The following RPA4 variants were observed in gnomAD, a reference collection of about 807,000 sequenced individuals.
RPA4 encodes replication protein A4.
For synonymous variants in RPA4, 88 were observed against 84.4 expected (o/e 1.04, Z -0.23); for missense variants, 229 against 215.5 (o/e 1.06, Z -0.39).
rs2065243824 is a variant in RPA4 at position 96,884,481 on chromosome X, T to C, written c.171T>C (p.Ser57=). ...GTAATGTGAACCAGCTTCTCAGCTC[T>C]ACTGTGTTTGACCCTGTGTTCAAGG... ...VPCNVNQLLS[S]TVFDPVFKVR... The change falls in exon 1 of 1, where the codon TCT becomes TCC. Residue 57 remains serine (S), a synonymous_variant. Coordinates refer to ENST00000373040, the MANE Select transcript of RPA4 (RefSeq NM_013347.4). 8.3e-7 allele frequency: 1 copy of C among 1,209,262 alleles called. No individual in the cohort carries two copies. Among genetic ancestry groups the C allele is most frequent in the Admixed American group, 2.2e-5 (1 of 45,556 alleles).
At position 96,885,166 on chromosome X, in the gene RPA4, CT is replaced by C. The variant is rs34989154; in HGVS notation, c.*75del. The C allele has an allele frequency of 1.1e-6, 1 of 951,602 alleles. No homozygotes were observed. The highest frequency in any genetic ancestry group is 1.4e-6 in the Non-Finnish European group (1 of 690,380). 78.4% of individuals were successfully genotyped at this position (951,602 alleles called of 1,213,427 possible). A position where few individuals can be genotyped will look rare whatever the true frequency, so the allele number is the denominator to read the frequency against. On this transcript the variant is annotated 3_prime_UTR_variant, in exon 1 of 1. Coordinates refer to ENST00000373040, the MANE Select transcript of RPA4 (RefSeq NM_013347.4). Reference sequence around the variant, plus strand: ...GCTGTGAGTAATTTTGACCTGTTGACTTTTTAGGAAGTAGGACTAAAAAAAA... The same window carrying C: ...GCTGTGAGTAATTTTGACCTGTTGACTTTTAGGAAGTAGGACTAAAAAAAA...
chrX:96,884,558 C>T lies in RPA4; in HGVS notation c.248C>T (p.Ala83Val), dbSNP rs1264114955. Residue 83 changes from alanine to valine, a missense_variant, in exon 1 of 1, where the codon GCA (alanine) becomes GTA (valine). Physicochemically the swap from Ala to Val is moderately conservative, Grantham distance 64 (BLOSUM62 0). Coordinates refer to ENST00000373040, the MANE Select transcript of RPA4 (RefSeq NM_013347.4). ...QVSIVGVIRG[A>V]EKASNHICYK... ...TCCATCGTGGGGGTAATCAGAGGGGCAGAGAAGGCTTCAAATCACATTTGT... is the reference window on the plus strand; with the variant it reads ...TCCATCGTGGGGGTAATCAGAGGGGTAGAGAAGGCTTCAAATCACATTTGT... The T allele has an allele frequency of 8.3e-7, 1 of 1,208,204 alleles. No homozygotes were observed. Among genetic ancestry groups the T allele is most frequent in the African/African-American group, 1.8e-5 (1 of 56,693 alleles).
rs1283627761 is a variant in RPA4 at position 96,884,293 on chromosome X, G to T, written c.-18G>T. ...CGAGCCAAAGCCCACCTTCTCCTCA[G>T]CCTGAGCTGTCTTGAAGATGAGTAA... On this transcript the variant is annotated 5_prime_UTR_variant, in exon 1 of 1. Transcript: ENST00000373040. 8.3e-7 allele frequency: 1 copy of T among 1,198,321 alleles called. No homozygotes were observed. The highest frequency in any genetic ancestry group is 2.2e-5 in the Admixed American group (1 of 45,132).
At position 96,884,454 on chromosome X, in the gene RPA4, G is replaced by C; in HGVS notation, c.144G>C (p.Pro48=). The change falls in exon 1 of 1, where the codon CCG becomes CCC. Residue 48 remains proline (P), a synonymous_variant. Coordinates refer to ENST00000373040, the MANE Select transcript of RPA4 (RefSeq NM_013347.4). The part of the protein sequence containing the change: ...RPKVRIQDVV[P]CNVNQLLSST... ...AGGTCCGAATTCAGGACGTTGTACC[G>C]TGTAATGTGAACCAGCTTCTCAGCT... 8.3e-7 allele frequency: 1 copy of C among 1,211,333 alleles called. No homozygotes were observed. Among genetic ancestry groups the C allele is most frequent in the Non-Finnish European group, 1.1e-6 (1 of 895,327 alleles).
Position 96,884,065 on chromosome X carries a change from A to G in RPA4, c.-246A>G, listed in dbSNP as rs1440750260. The G allele has an allele frequency of 5.8e-6, 2 of 345,663 alleles. No individual in the cohort carries two copies. The highest frequency in any genetic ancestry group is 2.6e-5 in the African/African-American group (1 of 38,314). The allele number at this position is 345,663 out of a possible 1,213,427, so 28.5% of individuals were successfully genotyped here. The stretch of plus-strand genomic sequence containing the variant: ...AACCACTGACACACAGGGAAGGATT[A>G]TGCGATCAGGTGAGAAGGTGGCCGA... On this transcript the variant is annotated 5_prime_UTR_variant, in exon 1 of 1. It removes an upstream start codon present in the reference 5' UTR. Coordinates refer to ENST00000373040, the MANE Select transcript of RPA4 (RefSeq NM_013347.4).
rs1313576911 is a variant in RPA4 at position 96,885,023 on chromosome X, CGATT to C, written c.718_721del (p.Asp240IlefsTer2). On this transcript the variant is annotated frameshift_variant, in exon 1 of 1. Transcript: ENST00000373040. LOFTEE classifies it low-confidence loss of function (END_TRUNC). Reference sequence around the variant, plus strand: ...CTTAGCGTCAAGGCCATCAAGGAAGCGATTGATTATCTGACCGTTGAGGGCCACA... The same window carrying C: ...CTTAGCGTCAAGGCCATCAAGGAAGCGATTATCTGACCGTTGAGGGCCACA... 4.1e-6 allele frequency: 5 copies of C among 1,208,422 alleles called. No homozygotes were observed. The highest frequency in any genetic ancestry group is 1.8e-5 in the African/African-American group (1 of 56,833).
Position 96,884,131 on chromosome X carries a change from G to T in RPA4, c.-180G>T. On this transcript the variant is annotated 5_prime_UTR_variant, in exon 1 of 1. Transcript: ENST00000373040. ...AGCAGATGCATTCTGGTAGTTGATT[G>T]GTCCACAGGTAGCGTGACGCTTGTC... 2.4e-6 allele frequency: 1 copy of T among 423,636 alleles called. No individual in the cohort carries two copies. Among genetic ancestry groups the T allele is most frequent in the Non-Finnish European group, 4.1e-6 (1 of 245,826 alleles). 34.9% of individuals were successfully genotyped at this position (423,636 alleles called of 1,213,427 possible). A position where few individuals can be genotyped will look rare whatever the true frequency, so the allele number is the denominator to read the frequency against.
chrX:96,884,737 T>C lies in RPA4; in HGVS notation c.427T>C (p.Leu143=), dbSNP rs2065247167. The part of the protein sequence containing the change: ...CPTGTKSLEV[L]KIHVLEDMNE... ...CACGGGAACAAAGAGCCTTGAGGTA[T>C]TGAAAATTCATGTCCTAGAGGACAT... is the stretch of plus-strand genomic sequence containing the variant. Residue 143 remains leucine, a synonymous_variant, in exon 1 of 1, where the codon TTG becomes CTG. Transcript: ENST00000373040. The C allele has an allele frequency of 1.7e-6, 2 of 1,207,846 alleles. No individual in the cohort carries two copies. The highest frequency in any genetic ancestry group is 3.0e-5 in the East Asian group (1 of 33,686).
chrX:96,884,336 A>G lies in RPA4; in HGVS notation c.26A>G (p.Tyr9Cys), dbSNP rs142187288. The part of the protein sequence containing the change: MSKSGFGS[Y>C]GSISAADGAS... ...ATGAGTAAGAGTGGGTTTGGGAGCT[A>G]TGGCAGCATTTCTGCTGCTGATGGA... Residue 9 changes from tyrosine (Y) to cysteine (C), a missense_variant, in exon 1 of 1, where the codon TAT becomes TGT. Transcript: ENST00000373040. The G allele has an allele frequency of 1.4e-4, 174 of 1,208,082 alleles. No homozygotes were observed. Among genetic ancestry groups the G allele is most frequent in the Middle Eastern group, 1.2e-3 (5 of 4,292 alleles).
In RPA4 at chrX:96,884,726, GC is replaced by G; in HGVS notation, c.418del (p.Glu141ArgfsTer3). ...GILKCPTGTK[S>X]LEVLKIHVLE... ...CTCAAATGTCCCACGGGAACAAAGA[GC>G]CTTGAGGTATTGAAAATTCATGTCC... is the stretch of plus-strand genomic sequence containing the variant. On this transcript the variant is annotated frameshift_variant, in exon 1 of 1. Coordinates refer to ENST00000373040, the MANE Select transcript of RPA4 (RefSeq NM_013347.4). LOFTEE classifies it low-confidence loss of function (END_TRUNC). 3 of 1,210,700 alleles carry G rather than the reference GC, an allele frequency of 2.5e-6. No individual in the cohort carries two copies. The South Asian group carries it at 5.3e-5, about 21-fold the overall frequency.
Position 96,884,651 on chromosome X carries a change from A to C in RPA4, c.341A>C (p.Lys114Thr). Residue 114 changes from lysine (K) to threonine (T), a missense_variant, in exon 1 of 1, where the codon AAG becomes ACG. By Grantham distance (78) the Lys-to-Thr change is moderately conservative (BLOSUM62 -1). Transcript: ENST00000373040. ...ARQWFGREKV[K>T]QVTPLSVGVY... ...CAGTGGTTTGGTAGAGAGAAAGTCA[A>C]GCAGGTGACTCCATTGTCAGTCGGA... is the stretch of plus-strand genomic sequence containing the variant. 8.3e-7 allele frequency: 1 copy of C among 1,210,807 alleles called. No homozygotes were observed. The highest frequency in any genetic ancestry group is 1.1e-6 in the Non-Finnish European group (1 of 895,026).
In RPA4 at chrX:96,884,985, T is replaced by A; in HGVS notation, c.675T>A (p.Ala225=). 8.3e-7 allele frequency: 1 copy of A among 1,211,204 alleles called. No homozygotes were observed. Among genetic ancestry groups the A allele is most frequent in the Non-Finnish European group, 1.1e-6 (1 of 895,223 alleles). ...GGAAGAGCATCCATGAGCTCCGGGC[T>A]CAGCTCTGCGACCTTAGCGTCAAGG... ...QEGKSIHELR[A]QLCDLSVKAI... is the part of the protein sequence containing the mutation. Residue 225 remains alanine, a synonymous_variant, in exon 1 of 1, where the codon GCT becomes GCA. Transcript: ENST00000373040.
Position 96,885,184 on chromosome X carries a change from T to TAA in RPA4, c.*98_*99dup. On this transcript the variant is annotated 3_prime_UTR_variant, in exon 1 of 1. Coordinates refer to ENST00000373040, the MANE Select transcript of RPA4 (RefSeq NM_013347.4). Reference sequence around the variant, plus strand: ...CTGTTGACTTTTTAGGAAGTAGGACTAAAAAAAAAAATCTCAAGTGGCATT... The same window carrying TAA: ...CTGTTGACTTTTTAGGAAGTAGGACTAAAAAAAAAAAAATCTCAAGTGGCATT... 10 of 638,770 alleles carry TAA rather than the reference T, an allele frequency of 1.6e-5. No homozygotes were observed. Among genetic ancestry groups the TAA allele is most frequent in the Non-Finnish European group, 2.2e-5 (10 of 446,873 alleles). 52.6% of individuals were successfully genotyped at this position (638,770 alleles called of 1,213,427 possible).
chrX:96,884,297 G>C lies in RPA4; in HGVS notation c.-14G>C, dbSNP rs1369498408. 8.3e-7 allele frequency: 1 copy of C among 1,200,452 alleles called. No homozygotes were observed. On this transcript the variant is annotated 5_prime_UTR_variant, in exon 1 of 1. Transcript: ENST00000373040. The stretch of plus-strand genomic sequence containing the variant: ...CCAAAGCCCACCTTCTCCTCAGCCT[G>C]AGCTGTCTTGAAGATGAGTAAGAGT...
In RPA4 at chrX:96,885,302, A is replaced by G. The variant is rs1453766434; in HGVS notation, c.*206A>G. The G allele has an allele frequency of 5.1e-6, 2 of 390,040 alleles. No homozygotes were observed. The highest frequency in any genetic ancestry group is 4.9e-5 in the Admixed American group (1 of 20,486). 32.1% of individuals were successfully genotyped at this position (390,040 alleles called of 1,213,427 possible). On this transcript the variant is annotated 3_prime_UTR_variant, in exon 1 of 1. Coordinates refer to ENST00000373040, the MANE Select transcript of RPA4 (RefSeq NM_013347.4). Reference sequence around the variant, plus strand: ...AGAGACGGTGATGGATAAATTGACAACTCTGTAGGATTTACTAGCAAGCTA... The same window carrying G: ...AGAGACGGTGATGGATAAATTGACAGCTCTGTAGGATTTACTAGCAAGCTA...
Position 96,884,748 on chromosome X carries a change from T to C in RPA4, c.438T>C (p.His146=). The part of the protein sequence containing the change: ...GTKSLEVLKI[H]VLEDMNEFTV... ...AGAGCCTTGAGGTATTGAAAATTCA[T>C]GTCCTAGAGGACATGAACGAGTTCA... Residue 146 remains histidine (H), a synonymous_variant, in exon 1 of 1, where the codon CAT becomes CAC. Transcript: ENST00000373040. The C allele has an allele frequency of 8.3e-7, 1 of 1,210,331 alleles. No individual in the cohort carries two copies. Among genetic ancestry groups the C allele is most frequent in the South Asian group, 1.8e-5 (1 of 56,887 alleles).
Position 96,884,606 on chromosome X carries a change from C to G in RPA4, c.296C>G (p.Ala99Gly), listed in dbSNP as rs745560952. 10 of 1,209,915 alleles carry G rather than the reference C, an allele frequency of 8.3e-6. No homozygotes were observed. Among genetic ancestry groups the G allele is most frequent in the Non-Finnish European group, 1.0e-5 (9 of 895,113 alleles). The change falls in exon 1 of 1, where the codon GCG (alanine) becomes GGG (glycine). Residue 99 changes from alanine to glycine, a missense_variant. Physicochemically the swap from Ala to Gly is moderately conservative, Grantham distance 60 (BLOSUM62 0). Coordinates refer to ENST00000373040, the MANE Select transcript of RPA4 (RefSeq NM_013347.4). Reference sequence around the variant, plus strand: ...TGTTACAAAATTGATGATATGACCGCGAAACCAATCGAGGCCCGACAGTGG... The same window carrying G: ...TGTTACAAAATTGATGATATGACCGGGAAACCAATCGAGGCCCGACAGTGG... ...HICYKIDDMT[A>G]KPIEARQWFG...
Position 96,884,750 on chromosome X carries a change from T to G in RPA4, c.440T>G (p.Val147Gly), listed in dbSNP as rs2065247228. 1.7e-6 allele frequency: 2 copies of G among 1,207,485 alleles called. No individual in the cohort carries two copies. The highest frequency in any genetic ancestry group is 4.4e-5 in the Admixed American group (2 of 45,505). ...AGCCTTGAGGTATTGAAAATTCATG[T>G]CCTAGAGGACATGAACGAGTTCACC... ...TKSLEVLKIH[V>G]LEDMNEFTVH... The change falls in exon 1 of 1, where the codon GTC becomes GGC. Residue 147 changes from valine (V) to glycine (G), a missense_variant. Physicochemically the swap from Val to Gly is moderately radical, Grantham distance 109. Coordinates refer to ENST00000373040, the MANE Select transcript of RPA4 (RefSeq NM_013347.4).
Position 96,884,383 on chromosome X carries a change from C to G in RPA4, c.73C>G (p.Leu25Val). Residue 25 changes from leucine to valine, a missense_variant, in exon 1 of 1, where the codon CTG becomes GTG. Physicochemically the swap from Leu to Val is conservative, Grantham distance 32 (BLOSUM62 1). Transcript: ENST00000373040. The stretch of plus-strand genomic sequence containing the variant: ...TGGAGCGAGTGGAGGCAGTGACCAA[C>G]TGTGTGAGAGAGATGCAACTCCTGC... ...ADGASGGSDQ[L>V]CERDATPAIK... 1 of 1,210,582 alleles carries G rather than the reference C, an allele frequency of 8.3e-7. No individual in the cohort carries two copies. The highest frequency in any genetic ancestry group is 1.1e-6 in the Non-Finnish European group (1 of 894,878).
Sources: gnomAD v4.1 joint callset for allele counts on GRCh38, gnomAD v4.1.1 for gene constraint, MANE v1.5 for transcripts, NCBI Gene and HGNC (gene_info 2026-07-23, HGNC 2026-07-21) for gene names.